The following TMEM233 variants were observed in gnomAD, a reference collection of about 807,000 sequenced individuals.
TMEM233 encodes dispanin subfamily B member 2.
A neutral mutation model predicts 11.2 loss-of-function variants in TMEM233; 6 were observed. That is an observed-to-expected ratio of 0.54 (90% CI 0.29 to 1.06). TMEM233 has a LOEUF of 1.06. Among genes scored for constraint, TMEM233 ranks in the 50% least tolerant of loss-of-function variants. The pLI is 0.08. For synonymous variants in TMEM233, 59 were observed against 55.8 expected (o/e 1.06, Z -0.26); for missense variants, 127 against 144.7 (o/e 0.88, Z 0.63).
intron 1 of TMEM233, among the ~76,000 whole-genome samples, chr12:119,622,656 C>T (rs1348912219): frequency 6.6e-6 from 1 of 152,034 alleles, no homozygotes; most frequent in Non-Finnish European, 1.5e-5. Context: ...TAGTTCTCTA[C>T]CCTTAAGCCC....
chr12:119,620,992 C>T (rs1256470495), intron 1 of TMEM233, among the ~76,000 whole-genome samples: 3 of 151,896 alleles, frequency 2.0e-5, no homozygotes, highest in Admixed American at 6.6e-5. Context: ...GCAATCCTCT[C>T]GCCTCAGCCT....
Position 119,594,130 on chromosome 12 carries a change from C to A in TMEM233, c.186+96C>A. ...CCGCGCGCTCTCTGCGGCTCCCTTC[C>A]TCACGGCCCGGCCCGCGCTAGGTGT... On this transcript the variant is annotated intron_variant, in intron 1 of 2. Coordinates refer to ENST00000426426, the MANE Select transcript of TMEM233 (RefSeq NM_001136534.3). The surrounding 1 kb of genome is among the most constrained non-coding windows in gnomAD (Gnocchi z 5.6). 1.6e-6 allele frequency: 2 copies of A among 1,279,464 alleles called. No homozygotes were observed. The highest frequency in any genetic ancestry group is 1.1e-6 in the Non-Finnish European group (1 of 929,626). 79.3% of individuals were successfully genotyped at this position (1,279,464 alleles called of 1,614,324 possible). A position where few individuals can be genotyped will look rare whatever the true frequency, so the allele number is the denominator to read the frequency against.
At chr12:119,611,741 C>T (rs913268710) in intron 1 of TMEM233, among the ~76,000 whole-genome samples, 2 of 152,000 alleles carry the variant, frequency 1.3e-5, no homozygotes, top group Non-Finnish European at 2.9e-5. Context: ...TCCTTTGGCT[C>T]CCAACATGAA....
intron 1 of TMEM233, among the ~76,000 whole-genome samples, chr12:119,610,130 T>A (rs1954365551): frequency 6.6e-6 from 1 of 152,178 alleles, no homozygotes; most frequent in Admixed American, 6.5e-5. Flanking sequence ...AGACATAGAG[T>A]CAAAGGAGAT....
chr12:119,622,246 A>G (rs538449346), intron 1 of TMEM233, among the ~76,000 whole-genome samples: 2 of 152,306 alleles, frequency 1.3e-5, no homozygotes, highest in South Asian at 4.1e-4. Context: ...AAAAATCTAG[A>G]ATCAGATGCA....
At chr12:119,601,459 A>G (rs912361759) in intron 1 of TMEM233, among the ~76,000 whole-genome samples, 7 of 152,056 alleles carry the variant, frequency 4.6e-5, no homozygotes, top group African/African-American at 1.7e-4. Context: ...GACTGAGACC[A>G]TCCTGGCTAA....
In TMEM233 at chr12:119,596,075, G is replaced by A. The variant is rs140406245; in HGVS notation, c.186+2041G>A. On this transcript the variant is annotated intron_variant, in intron 1 of 2. Transcript: ENST00000426426. The stretch of plus-strand genomic sequence containing the variant: ...GGAGGCCCGGAAGCCGTCGCATCCG[G>A]TTCCTTCCGACCAACCAGCCAATTT... 8.4e-3 allele frequency among the ~76,000 whole-genome samples: 1,283 copies of A among 152,256 alleles called. 19 individuals carry two copies. The highest frequency in any genetic ancestry group is 0.029 in the African/African-American group (1,214 of 41,548).
At chr12:119,610,508 T>G (rs545475656) in intron 1 of TMEM233, among the ~76,000 whole-genome samples, 1 of 152,288 alleles carries the variant, frequency 6.6e-6, no homozygotes, top group South Asian at 2.1e-4. Context: ...GAATTGCAGT[T>G]TCCATAAGCC....
chr12:119,608,195 C>G (rs1177539112), intron 1 of TMEM233, among the ~76,000 whole-genome samples: 1 of 152,148 alleles, frequency 6.6e-6, no homozygotes, highest in Non-Finnish European at 1.5e-5. Context: ...GAAGCTCACT[C>G]TAATATAAGC....
At chr12:119,596,560 C>T (rs1954052611) in intron 1 of TMEM233, among the ~76,000 whole-genome samples, 2 of 140,510 alleles carry the variant, frequency 1.4e-5, no homozygotes, top group African/African-American at 2.7e-5. Context: ...GGCACAATCT[C>T]GGCTCACTGC....
chr12:119,626,520 G>GGGAT (rs1954763947), intron 1 of TMEM233, among the ~76,000 whole-genome samples: 1 of 58,230 alleles, frequency 1.7e-5, no homozygotes, highest in Non-Finnish European at 3.6e-5. Flanking sequence ...AGGAGGAGGA[G>GGGAT]AAGGGAGAAG....
chr12:119,619,509 C>A (rs1167839038), intron 1 of TMEM233, among the ~76,000 whole-genome samples: 1 of 151,946 alleles, frequency 6.6e-6, no homozygotes, highest in East Asian at 1.9e-4. Flanking sequence ...GTAGTGGTAG[C>A]ACTCACCTGT....
At chr12:119,638,596 A>G (rs1280716659) in intron 2 of TMEM233, among the ~76,000 whole-genome samples, 1 of 152,246 alleles carries the variant, frequency 6.6e-6, no homozygotes, top group African/African-American at 2.4e-5. Flanking sequence ...ATGTGCAGCC[A>G]GGGTTGGGAA....
At position 119,629,879 on chromosome 12, in the gene TMEM233, A is replaced by T; in HGVS notation, c.323+7A>T. 6.5e-7 allele frequency: 1 copy of T among 1,548,776 alleles called. No homozygotes were observed. The highest frequency in any genetic ancestry group is 8.7e-7 in the Non-Finnish European group (1 of 1,145,824). ...CAGTTCACTTCACAAGGAAGTAAGT[A>T]GGCTTTTTGAATCCCTCCCCATGTC... On this transcript the variant is annotated splice_region_variant and intron_variant, in intron 2 of 2. Coordinates refer to ENST00000426426, the MANE Select transcript of TMEM233 (RefSeq NM_001136534.3).
At position 119,612,946 on chromosome 12, in the gene TMEM233, A is replaced by AG. The variant is rs1053415761; in HGVS notation, c.187-16788dup. On this transcript the variant is annotated intron_variant, in intron 1 of 2. Transcript: ENST00000426426. ...AAAAATAAAAAAAAGAGGAAAACTA[A>AG]GGTTTTTTTTGTTTTTGTTTTTTTA... is the stretch of plus-strand genomic sequence containing the variant. Among the ~76,000 whole-genome samples the AG allele has an allele frequency of 5.4e-4, 82 of 151,946 alleles. 1 individual carries two copies. In the South Asian group the frequency reaches 8.6e-3, roughly 16 times the overall value.
chr12:119,651,610 C>T, the TMEM233 span, among the ~76,000 whole-genome samples: 22 of 150,918 alleles, frequency 1.5e-4, no homozygotes, highest in Admixed American at 4.6e-4. Flanking sequence ...TGAGGTTAGG[C>T]GGTCAAGACC....
intron 1 of TMEM233, among the ~76,000 whole-genome samples, chr12:119,610,728 C>T (rs751592775): frequency 3.3e-5 from 5 of 152,186 alleles, no homozygotes; most frequent in Non-Finnish European, 5.9e-5. Context: ...CTTCCCCAGC[C>T]ATGTGGAGCT....
In TMEM233 at chr12:119,629,816, C is replaced by T. The variant is rs1954842361; in HGVS notation, c.267C>T (p.Ser89=). ...GRNAKWVAIA[S]IIIGLLIIGI... Reference sequence around the variant, plus strand: ...ATGCTAAGTGGGTAGCCATCGCCTCCATCATCATTGGCCTTCTCATCATCG... The same window carrying T: ...ATGCTAAGTGGGTAGCCATCGCCTCTATCATCATTGGCCTTCTCATCATCG... The change falls in exon 2 of 3, where the codon TCC becomes TCT. Residue 89 remains serine (S), a synonymous_variant. Coordinates refer to ENST00000426426, the MANE Select transcript of TMEM233 (RefSeq NM_001136534.3). 1.3e-6 allele frequency: 2 copies of T among 1,551,702 alleles called. No homozygotes were observed. The highest frequency in any genetic ancestry group is 1.7e-6 in the Non-Finnish European group (2 of 1,146,978).
chr12:119,626,537 G>GAGA (rs144183823), intron 1 of TMEM233, among the ~76,000 whole-genome samples: 1 of 36,332 alleles, frequency 2.8e-5, no homozygotes, highest in African/African-American at 9.2e-5. Context: ...GAAGGGAGAA[G>GAGA]GGAGAAGAGA....
Sources: gnomAD v4.1 joint callset for allele counts (sites outside exome capture counted in the v4.1 genomes callset) on GRCh38, gnomAD v4.1.1 for gene constraint, Gnocchi (gnomAD v3.1) non-coding constraint, MANE v1.5 for transcripts, NCBI Gene and HGNC (gene_info 2026-07-23, HGNC 2026-07-21) for gene names.